Variants in PPP3CA observed in about 807,000 individuals in gnomAD.
PPP3CA encodes CAM-PRP catalytic subunit.
A neutral mutation model predicts 66.5 loss-of-function variants in PPP3CA; 14 were observed. The observed-to-expected ratio is 0.21, with a 90% CI of 0.14 to 0.33. The LOEUF (loss-of-function observed/expected upper bound fraction) is 0.33. PPP3CA is among the 10% of genes least tolerant of loss of function. The pLI, the probability that PPP3CA is intolerant of heterozygous loss-of-function variation, is 1.00. For missense variants in PPP3CA, 317 were observed against 639.5 expected, an observed-to-expected ratio of 0.50 and a Z score of 5.44; for synonymous variants, 232 against 226.2, an observed-to-expected ratio of 1.03 and a Z score of -0.23.
rs1727934712 is a variant in PPP3CA at position 101,289,021 on chromosome 4, A to G, written c.58+57718T>C. ...TCTCCAACTGCGTAGGAGGAAAAAA[A>G]CAAGCTCTTACTTACCGGTTTCAAT... On this transcript the variant is annotated intron_variant, in intron 1 of 13. Coordinates refer to ENST00000394854, the MANE Select transcript of PPP3CA (RefSeq NM_000944.5). Among the ~76,000 whole-genome samples the G allele has an allele frequency of 2.0e-5, 3 of 151,842 alleles. No individual in the cohort carries two copies. In the South Asian group the frequency reaches 6.2e-4, roughly 31 times the overall value.
intron 6 of PPP3CA, among the ~76,000 whole-genome samples, chr4:101,092,782 G>A (rs1730014021): frequency 6.6e-6 from 1 of 152,118 alleles, no homozygotes; most frequent in African/African-American, 2.4e-5. Flanking sequence ...CAAAGAACAT[G>A]AACACATCCT....
At chr4:101,295,080 T>C (rs1728156776) in intron 1 of PPP3CA, among the ~76,000 whole-genome samples, 1 of 151,116 alleles carries the variant, frequency 6.6e-6, no homozygotes, top group South Asian at 2.1e-4. Flanking sequence ...GGCGGGTGGA[T>C]CATGAGGTCA....
Position 101,163,528 on chromosome 4 carries a change from T to A in PPP3CA, c.259+32388A>T, listed in dbSNP as rs528487755. Reference sequence around the variant, plus strand: ...AGGCTTTAATGAGGACAAGAGAATATTCTCTCATCCTTTCTTATTCCCACC... The same window carrying A: ...AGGCTTTAATGAGGACAAGAGAATAATCTCTCATCCTTTCTTATTCCCACC... On this transcript the variant is annotated intron_variant, in intron 2 of 13. Transcript: ENST00000394854. 5.1e-4 allele frequency among the ~76,000 whole-genome samples: 77 copies of A among 152,238 alleles called. 1 individual carries two copies. In the East Asian group the frequency reaches 0.014, roughly 27 times the overall value.
At chr4:101,124,152 T>C (rs576086524) in intron 2 of PPP3CA, among the ~76,000 whole-genome samples, 32 of 152,284 alleles carry the variant, frequency 2.1e-4, no homozygotes, top group African/African-American at 7.2e-4. Context: ...CCTTCTTTAA[T>C]TGAATGCTAG....
At chr4:101,272,532 G>C (rs1388348135) in intron 1 of PPP3CA, among the ~76,000 whole-genome samples, 1 of 152,120 alleles carries the variant, frequency 6.6e-6, no homozygotes, top group Non-Finnish European at 1.5e-5. Flanking sequence ...CTGATCATTT[G>C]CATGCTTCTC....
chr4:101,133,260 C>T (rs750564368), intron 2 of PPP3CA, among the ~76,000 whole-genome samples: 1 of 151,990 alleles, frequency 6.6e-6, no homozygotes, highest in Non-Finnish European at 1.5e-5. Flanking sequence ...GGCAGTCAGG[C>T]AAGAGAAAGA....
At chr4:101,288,545 C>T (rs1436682322) in intron 1 of PPP3CA, among the ~76,000 whole-genome samples, 1 of 91,840 alleles carries the variant, frequency 1.1e-5, no homozygotes. Flanking sequence ...GAGAAGGGAG[C>T]GGGAGGGGGA....
chr4:101,085,857 C>CAGAG (rs1553923935), intron 6 of PPP3CA, among the ~76,000 whole-genome samples: 25 of 110,602 alleles, frequency 2.3e-4, no homozygotes, highest in East Asian at 2.0e-3. Flanking sequence ...CACACACACA[C>CAGAG]AGAGAGAGAG....
Position 101,049,162 on chromosome 4 carries a change from T to C in PPP3CA, c.1157-8596A>G, listed in dbSNP as rs72929304. The stretch of plus-strand genomic sequence containing the variant: ...ACTTCCAAACTCTAATTGGATTCCA[T>C]GCACTTTTGTTCTCTAAGATGTTGT... On this transcript the variant is annotated intron_variant, in intron 10 of 13. Transcript: ENST00000394854. 2.1e-3 allele frequency among the ~76,000 whole-genome samples: 316 copies of C among 152,312 alleles called. 1 individual carries two copies. The highest frequency in any genetic ancestry group is 7.3e-3 in the African/African-American group (303 of 41,590).
intron 2 of PPP3CA, among the ~76,000 whole-genome samples, chr4:101,125,212 C>T (rs185448906): frequency 6.6e-6 from 1 of 152,156 alleles, no homozygotes; most frequent in African/African-American, 2.4e-5. Context: ...CATATCTTTC[C>T]CTCATAAAAT....
At chr4:101,033,846 C>T (rs1727122533) in intron 11 of PPP3CA, among the ~76,000 whole-genome samples, 1 of 152,174 alleles carries the variant, frequency 6.6e-6, no homozygotes, top group South Asian at 2.1e-4. Flanking sequence ...TTCTCTTGGA[C>T]ATTTCATATA....
intron 6 of PPP3CA, among the ~76,000 whole-genome samples, chr4:101,090,710 A>G (rs2110246788): frequency 6.6e-6 from 1 of 151,196 alleles, no homozygotes; most frequent in East Asian, 1.9e-4. Flanking sequence ...AACAAAAGTG[A>G]AAATATGTTT....
At chr4:101,182,416 C>T (rs890829612) in intron 2 of PPP3CA, among the ~76,000 whole-genome samples, 2 of 152,056 alleles carry the variant, frequency 1.3e-5, no homozygotes, top group Non-Finnish European at 2.9e-5. Flanking sequence ...TTCCAGAAGA[C>T]GTAGGACCTG....
At chr4:101,132,884 C>T (rs1014431230) in intron 2 of PPP3CA, among the ~76,000 whole-genome samples, 3 of 152,142 alleles carry the variant, frequency 2.0e-5, no homozygotes, top group Non-Finnish European at 2.9e-5. Context: ...AGCAGCACAT[C>T]AAAAAGCTTA....
At chr4:101,264,817 G>A (rs1249983725) in intron 1 of PPP3CA, among the ~76,000 whole-genome samples, 2 of 152,170 alleles carry the variant, frequency 1.3e-5, no homozygotes, top group Non-Finnish European at 2.9e-5. Flanking sequence ...ATGTATGAGG[G>A]AAGACAGGAT....
chr4:101,114,496 C>T (rs916459796), intron 2 of PPP3CA, among the ~76,000 whole-genome samples: 1 of 152,032 alleles, frequency 6.6e-6, no homozygotes, highest in Non-Finnish European at 1.5e-5. Context: ...TATAATCTAT[C>T]TTGGTAATTT....
At chr4:101,090,454 C>T (rs1729863004) in intron 6 of PPP3CA, among the ~76,000 whole-genome samples, 1 of 151,716 alleles carries the variant, frequency 6.6e-6, no homozygotes, top group Non-Finnish European at 1.5e-5. Context: ...GCCTGACCAA[C>T]ATGGAGAAAG....
At chr4:101,097,580 G>A (rs1020760745) in intron 5 of PPP3CA, among the ~76,000 whole-genome samples, 1 of 151,814 alleles carries the variant, frequency 6.6e-6, no homozygotes, top group African/African-American at 2.4e-5. Flanking sequence ...TTCTCCCTTT[G>A]GTCCGATTTT....
At chr4:101,108,905 T>C in intron 3 of PPP3CA, 49 bp downstream of exon 3, 2 of 1,551,002 alleles carry the variant, frequency 1.3e-6, no homozygotes, top group East Asian at 2.3e-5. Context: ...TTTTTTGAGA[T>C]ACTGTTAATC....
Sources: gnomAD v4.1 joint callset for allele counts (sites outside exome capture counted in the v4.1 genomes callset) on GRCh38, gnomAD v4.1.1 for gene constraint, MANE v1.5 for transcripts, NCBI Gene and HGNC (gene_info 2026-07-23, HGNC 2026-07-21) for gene names.